Variants in PLEC observed in about 807,000 individuals in gnomAD.
PLEC encodes plectin.
In PLEC, 216 loss-of-function variants were observed where a neutral mutation model predicts 392.8. The observed-to-expected ratio is 0.55, with a 90% CI of 0.49 to 0.62. The LOEUF (loss-of-function observed/expected upper bound fraction) is 0.62, where lower values mean the gene tolerates loss of function less well. PLEC is among the 20% of genes least tolerant of loss of function. PLEC has a pLI of 0.00. For synonymous variants in PLEC, 3,621 were observed against 2,980.6 expected (o/e 1.21, Z -7.00); for missense variants, 6,863 against 6,563.4 (o/e 1.05, Z -1.58).
Position 143,920,244 on chromosome 8 carries a change from C to T in PLEC, c.9577G>A (p.Gly3193Ser), listed in dbSNP as rs201402970. The part of the protein sequence containing the change: ...DPSTGEPATY[G>S]ELQQRCRPDQ... ...GGCCGGCACCGCTGCTGGAGCTCGC[C>T]GTAGGTGGCCGGCTCCCCTGTGCTG... Residue 3193 changes from glycine (G) to serine (S), a missense_variant, in exon 32 of 32, where the codon GGC becomes AGC. Coordinates refer to ENST00000345136, the MANE Select transcript of PLEC (RefSeq NM_201384.3). The T allele has an allele frequency of 6.0e-5, 96 of 1,600,214 alleles. No individual in the cohort carries two copies. The highest frequency in any genetic ancestry group is 1.7e-4 in the Middle Eastern group (1 of 6,054).
At chr8:143,928,243 C>T (rs536248111) in intron 25 of PLEC, among the ~76,000 whole-genome samples, 2 of 152,362 alleles carry the variant, frequency 1.3e-5, no homozygotes, top group South Asian at 4.1e-4. Flanking sequence ...CCAGGAACGG[C>T]AGACCCCAAG....
intron 18 of PLEC, 131 bp downstream of exon 18, chr8:143,931,806 C>A: frequency 6.9e-7 from 1 of 1,446,390 alleles, no homozygotes; most frequent in South Asian, 1.2e-5. Context: ...TCCAAGGCCC[C>A]GGTCAGGCTG....
At position 143,930,125 on chromosome 8, in the gene PLEC, C is replaced by T. The variant is rs1554712948; in HGVS notation, c.2612+19G>A. 2 of 1,590,022 alleles carry T rather than the reference C, an allele frequency of 1.3e-6. No homozygotes were observed. Among genetic ancestry groups the T allele is most frequent in the East Asian group, 4.5e-5 (2 of 44,270 alleles). ...CCACCCGCCTTCCAGCCCCCACCTG[C>T]TGAGCCCCCGCCACCCACCTGGTGA... On this transcript the variant is annotated intron_variant, in intron 21 of 31. Coordinates refer to ENST00000345136, the MANE Select transcript of PLEC (RefSeq NM_201384.3).
rs988267661 is a variant in PLEC, at chr8:143,930,054, G to C, written c.2621C>G (p.Ala874Gly). The C allele has an allele frequency of 3.8e-5, 62 of 1,610,782 alleles. No homozygotes were observed. Among genetic ancestry groups the C allele is most frequent in the Non-Finnish European group, 5.1e-5 (60 of 1,179,772 alleles). The change falls in exon 22 of 32, where the codon GCC becomes GGC. Residue 874 changes from alanine to glycine, a missense_variant. Coordinates refer to ENST00000345136, the MANE Select transcript of PLEC (RefSeq NM_201384.3). ...CAGCGTGACCAGGGCCTGGTGCTGG[G>C]CCTCCAGCCTGGCAGGTCAGGGCTA... ...EAQEAVTRLEAQHQALVTLWH... is the reference protein window; with the variant it reads ...EAQEAVTRLEGQHQALVTLWH...
At chr8:143,970,747 G>A (rs957922742) in intron 1 of PLEC, among the ~76,000 whole-genome samples, 2 of 152,114 alleles carry the variant, frequency 1.3e-5, no homozygotes, top group South Asian at 2.1e-4. Context: ...AACTGTCCCC[G>A]CCCTGCCACA....
upstream of PLEC, chr8:143,944,545 G>A (rs1023634157): frequency 1.4e-5 from 9 of 627,122 alleles, no homozygotes; most frequent in Middle Eastern, 2.8e-4. Flanking sequence ...TGTGCAGGGC[G>A]AGGGACAGCG....
chr8:143,958,079 T>C (rs1180421485), upstream of PLEC, among the ~76,000 whole-genome samples: 1 of 152,066 alleles, frequency 6.6e-6, no homozygotes, highest in African/African-American at 2.4e-5. The surrounding 1 kb of genome is among the most constrained non-coding windows in gnomAD (Gnocchi z 4.9). Context: ...CTGCGGCAGG[T>C]CCACAGGAGC....
At chr8:143,931,705 C>A (rs1554715675) in intron 18 of PLEC, 46 bp from the exon 19 acceptor site, 6 of 1,577,228 alleles carry the variant, frequency 3.8e-6, no homozygotes, top group Non-Finnish European at 5.2e-6. Context: ...GGGACCAGAG[C>A]CCCAGCCCAC....
upstream of PLEC, among the ~76,000 whole-genome samples, chr8:143,939,806 G>A (rs1330987341): frequency 7.3e-6 from 1 of 137,316 alleles, no homozygotes; most frequent in Non-Finnish European, 1.7e-5. Context: ...CCCCCTAGGG[G>A]GACCTGGGGA....
At position 143,925,052 on chromosome 8, in the gene PLEC, T is replaced by A; in HGVS notation, c.4877A>T (p.Glu1626Val). Residue 1626 changes from glutamate to valine, a missense_variant, in exon 31 of 32, where the codon GAG (glutamate) becomes GTG (valine). Glu to Val is a moderately radical substitution (Grantham distance 121). Transcript: ENST00000345136. ...QQAEAERARE[E>V]AERELERWQL... ...CCAGCGCTCCAGCTCCCGCTCTGCCTCCTCGCGCGCCCGCTCGGCCTCGGC... is the reference window on the plus strand; with the variant it reads ...CCAGCGCTCCAGCTCCCGCTCTGCCACCTCGCGCGCCCGCTCGGCCTCGGC... The A allele has an allele frequency of 1.3e-6, 2 of 1,547,564 alleles. No individual in the cohort carries two copies. The highest frequency in any genetic ancestry group is 1.2e-5 in the South Asian group (1 of 85,474).
upstream of PLEC, among the ~76,000 whole-genome samples, chr8:143,951,465 G>A (rs1554736565): frequency 6.6e-6 from 1 of 152,180 alleles, no homozygotes; most frequent in African/African-American, 2.4e-5. Flanking sequence ...CATCAGGCGG[G>A]CAAACGGACA....
In PLEC at chr8:143,932,895, A is replaced by G; in HGVS notation, c.1635T>C (p.Gly545=). The G allele has an allele frequency of 6.2e-7, 1 of 1,612,354 alleles. No homozygotes were observed. Among genetic ancestry groups the G allele is most frequent in the Non-Finnish European group, 8.5e-7 (1 of 1,179,856 alleles). The change falls in exon 14 of 32, where the codon GGT becomes GGC. Residue 545 remains glycine (G), a synonymous_variant. Transcript: ENST00000345136. The part of the protein sequence containing the change: ...NQHRVDGAEW[G]VDLPSVEAQL... The stretch of plus-strand genomic sequence containing the variant: ...GCGCCTCCACGCTGGGCAGGTCCAC[A>G]CCCCACTCAGCGCCATCCACACGGT...
At chr8:143,945,284 G>A in intron 1 of PLEC, 1 of 466,438 alleles carries the variant, frequency 2.1e-6, no homozygotes, top group South Asian at 1.6e-5. Context: ...CTCTCCTGGG[G>A]TCCCAGGGAT....
At chr8:143,938,555 G>A (rs1829697917) in intron 2 of PLEC, 76 bp downstream of exon 2, 1 of 1,557,930 alleles carries the variant, frequency 6.4e-7, no homozygotes, top group Non-Finnish European at 8.9e-7. Context: ...GACAGCCTTG[G>A]GCGGCAGGGG....
At chr8:143,972,493 G>A (rs1833479792) in intron 1 of PLEC, among the ~76,000 whole-genome samples, 1 of 152,226 alleles carries the variant, frequency 6.6e-6, no homozygotes, top group Admixed American at 6.5e-5. Flanking sequence ...GTGGTGGAGA[G>A]CGGCACCACG....
chr8:143,967,910 T>C (rs1554742805), intron 1 of PLEC, among the ~76,000 whole-genome samples: 1 of 151,860 alleles, frequency 6.6e-6, no homozygotes, highest in African/African-American at 2.4e-5. Flanking sequence ...GGTGGCTTAC[T>C]TGAGGTCAGG....
chr8:143,932,387 G>A lies in PLEC; in HGVS notation c.1977+13C>T, dbSNP rs781812712. ...GGGGCTGTGGGGTTCAGGGCAGCTG[G>A]GCCACCGCTCACCGAGTAGCTCTCC... On this transcript the variant is annotated intron_variant, in intron 16 of 31. Transcript: ENST00000345136. The A allele has an allele frequency of 1.9e-6, 3 of 1,612,388 alleles. No individual in the cohort carries two copies. Among genetic ancestry groups the A allele is most frequent in the African/African-American group, 1.3e-5 (1 of 74,920 alleles).
upstream of PLEC, among the ~76,000 whole-genome samples, chr8:143,940,113 C>T (rs1396224259): frequency 6.6e-6 from 1 of 152,234 alleles, no homozygotes; most frequent in African/African-American, 2.4e-5. Context: ...TCTTCACAGA[C>T]CTGCATGAAG....
At position 143,916,879 on chromosome 8, in the gene PLEC, C is replaced by A. The variant is rs375246252; in HGVS notation, c.12942G>T (p.Ala4314=). Residue 4314 remains alanine, a synonymous_variant, in exon 32 of 32, where the codon GCG becomes GCT. Coordinates refer to ENST00000345136, the MANE Select transcript of PLEC (RefSeq NM_201384.3). ...CGATGATGCCCCCGGTGCAGGCCTG[C>A]GCCTCCAGCAGCCGCTGCCCCGTGA... ...DNITGQRLLE[A]QACTGGIIDP... is the part of the protein sequence containing the mutation. The A allele has an allele frequency of 1.2e-6, 2 of 1,608,920 alleles. No homozygotes were observed. Among genetic ancestry groups the A allele is most frequent in the South Asian group, 1.1e-5 (1 of 90,660 alleles).
Sources: allele counts gnomAD v4.1 joint callset (sites outside exome capture counted in the v4.1 genomes callset), GRCh38; gene constraint gnomAD v4.1.1; non-coding constraint Gnocchi (gnomAD v3.1); transcripts MANE v1.5; gene names NCBI Gene and HGNC (gene_info 2026-07-23, HGNC 2026-07-21).